MAP4: variants seen among roughly 807,000 people sequenced by gnomAD.
The protein encoded by MAP4 is microtubule-associated protein 4.
A neutral mutation model predicts 170.2 loss-of-function variants in MAP4; 76 were observed. That is an observed-to-expected ratio of 0.45 (90% CI 0.37 to 0.54). The LOEUF is 0.54. MAP4 is among the 20% of genes least tolerant of loss of function. The pLI, the probability that MAP4 is intolerant of heterozygous loss-of-function variation, is 0.00. For missense variants in MAP4, 2,506 were observed against 2,748.0 expected (o/e 0.91, Z 1.97); for synonymous variants, 909 against 994.5 (o/e 0.91, Z 1.62).
chr3:47,878,000 C>T (rs1230807114), intron 10 of MAP4, among the ~76,000 whole-genome samples: 1 of 152,174 alleles, frequency 6.6e-6, no homozygotes, highest in East Asian at 1.9e-4. Context: ...GTGAGATTAA[C>T]CTGATCCAGT....
In MAP4 at chr3:47,978,994, C is replaced by T. The variant is rs542459752; in HGVS notation, c.224-1061G>A. Among the ~76,000 whole-genome samples, 32 of 152,092 alleles carry T rather than the reference C, an allele frequency of 2.1e-4. No homozygotes were observed. In the South Asian group the frequency reaches 6.2e-3, roughly 30 times the overall value. Reference sequence around the variant, plus strand: ...GTAAAAATTTCTTCCCTGTTTCTAACTTATACTGTATTTTCATTTACTTAA... The same window carrying T: ...GTAAAAATTTCTTCCCTGTTTCTAATTTATACTGTATTTTCATTTACTTAA... On this transcript the variant is annotated intron_variant, in intron 2 of 20. Coordinates refer to ENST00000683076, the MANE Select transcript of MAP4 (RefSeq NM_001385682.1).
At chr3:47,877,661 T>C in intron 10 of MAP4, 138 bp from the exon 11 acceptor site, 1 of 575,148 alleles carries the variant, frequency 1.7e-6, no homozygotes, top group Non-Finnish European at 3.1e-6. Context: ...GCTGCTGAAA[T>C]GTGGACAAGC....
intron 3 of MAP4, chr3:47,974,624 T>C (rs1156813576): frequency 2.4e-5 from 23 of 956,274 alleles, no homozygotes; most frequent in Non-Finnish European, 2.7e-5. Context: ...ATGTTATATT[T>C]CTATAAATAC....
chr3:47,866,347 AAAACAAAC>A (rs375667786), intron 17 of MAP4, among the ~76,000 whole-genome samples: 87 of 151,284 alleles, frequency 5.8e-4, no homozygotes, highest in Admixed American at 1.1e-3. Flanking sequence ...AAACAAAAAC[AAAACAAAC>A]AAACAAACAA....
chr3:47,877,471 G>A lies in MAP4; in HGVS notation c.5487C>T (p.Asp1829=), dbSNP rs780774460. The stretch of plus-strand genomic sequence containing the variant: ...GCTCCTTGTTCGGTGGGGTGGTGAT[G>A]TCATTTCCTGTCCCACTCACCACAG... ...GRPVVSGTGN[D]ITTPPNKELP... The change falls in exon 11 of 21, where the codon GAC becomes GAT. Residue 1829 remains aspartate, a synonymous_variant. Coordinates refer to ENST00000683076, the MANE Select transcript of MAP4 (RefSeq NM_001385682.1). 1.2e-6 allele frequency: 2 copies of A among 1,614,114 alleles called. No homozygotes were observed. The highest frequency in any genetic ancestry group is 1.1e-5 in the South Asian group (1 of 91,070).
At position 48,041,526 on chromosome 3, in the gene MAP4, T is replaced by G. The variant is rs917649052; in HGVS notation, c.-19-42647A>C. Among the ~76,000 whole-genome samples, 10 of 152,140 alleles carry G rather than the reference T, an allele frequency of 6.6e-5. No homozygotes were observed. The East Asian group carries it at 1.7e-3, about 26-fold the overall frequency. ...GTTCATGGATCAGAAGATTTAACAT[T>G]GCTAAGATGGCAATGCTTCCCAAAC... On this transcript the variant is annotated intron_variant, in intron 1 of 18. Coordinates refer to the MAP4 transcript ENST00000360240.
chr3:48,000,709 TG>T (rs2154381355), intron 1 of MAP4, among the ~76,000 whole-genome samples: 2 of 152,304 alleles, frequency 1.3e-5, no homozygotes, highest in East Asian at 3.9e-4. Context: ...CTATTTCTGT[TG>T]TTTACAATGG....
intron 1 of MAP4, among the ~76,000 whole-genome samples, chr3:48,080,650 C>G (rs533575356): frequency 1.3e-5 from 2 of 152,074 alleles, no homozygotes; most frequent in South Asian, 2.1e-4. Context: ...AATTCAAGAC[C>G]GGCCTGAGCA....
chr3:47,854,842 C>T (rs987251451), intron 19 of MAP4, among the ~76,000 whole-genome samples: 1 of 152,240 alleles, frequency 6.6e-6, no homozygotes, highest in African/African-American at 2.4e-5. Context: ...CTGCTCCTAA[C>T]CCAGGAGCGG....
intron 3 of MAP4, among the ~76,000 whole-genome samples, chr3:47,944,700 C>T (rs913638778): frequency 6.6e-6 from 1 of 151,888 alleles, no homozygotes; most frequent in Non-Finnish European, 1.5e-5. Context: ...CTCATTTCTC[C>T]CCCTCTGGCT....
chr3:47,870,939 G>A lies in MAP4; in HGVS notation c.6168C>T (p.Ala2056=). 6.2e-7 allele frequency: 1 copy of A among 1,614,124 alleles called. No individual in the cohort carries two copies. Among genetic ancestry groups the A allele is most frequent in the Non-Finnish European group, 8.5e-7 (1 of 1,179,956 alleles). Residue 2056 remains alanine, a synonymous_variant, in exon 15 of 21, where the codon GCC becomes GCT. Transcript: ENST00000683076. ...GCCGGGGGGTGGTGGAGCTGGGTTT[G>A]GCCGAGGTGGGCTTCTTGTCTATGA... ...TPFIDKKPTS[A]KPSSTTPRLS...
At chr3:47,858,389 A>T (rs1218121597) in intron 17 of MAP4, among the ~76,000 whole-genome samples, 1 of 151,892 alleles carries the variant, frequency 6.6e-6, no homozygotes, top group Non-Finnish European at 1.5e-5. Context: ...TTCTGTGCAG[A>T]CCCTGTCCAT....
In MAP4 at chr3:47,911,446, T is replaced by A. The variant is rs1431292610; in HGVS notation, c.2975A>T (p.Glu992Val). The change falls in exon 9 of 21, where the codon GAA becomes GTA. Residue 992 changes from glutamate (E) to valine (V), a missense_variant. By Grantham distance (121) the Glu-to-Val change is moderately radical. This residue lies in a region of MAP4 where 2,008 missense variants were observed against 2,206.0 expected (regional missense o/e 0.91). Transcript: ENST00000683076. This position sits in a 1 kb window ranked among gnomAD's most constrained non-coding sequence, Gnocchi z 4.0. Reference protein sequence around the residue: ...LECNLKEGNNESKMTKLQNVK... With the variant: ...LECNLKEGNNVSKMTKLQNVK... ...ATTCTGCAGTTTAGTCATTTTACTTTCATTATTCCCTTCTTTTAGATTACA... is the reference window on the plus strand; with the variant it reads ...ATTCTGCAGTTTAGTCATTTTACTTACATTATTCCCTTCTTTTAGATTACA... 3.3e-6 allele frequency: 5 copies of A among 1,536,042 alleles called. No individual in the cohort carries two copies. The highest frequency in any genetic ancestry group is 4.4e-6 in the Non-Finnish European group (5 of 1,146,910).
intron 3 of MAP4, among the ~76,000 whole-genome samples, chr3:47,935,347 C>T (rs761956711): frequency 7.2e-5 from 11 of 151,968 alleles, no homozygotes; most frequent in Non-Finnish European, 1.6e-4. Flanking sequence ...GAAGTTAGGG[C>T]CATGGGCAAG....
At chr3:47,991,404 C>T (rs1292040573) in intron 2 of MAP4, among the ~76,000 whole-genome samples, 1 of 152,124 alleles carries the variant, frequency 6.6e-6, no homozygotes, top group African/African-American at 2.4e-5. Flanking sequence ...GGTGTGGTGG[C>T]TCACACCTGT....
intron 11 of MAP4, 79 bp downstream of exon 11, chr3:47,877,338 G>T: frequency 9.2e-7 from 1 of 1,082,614 alleles, no homozygotes; most frequent in South Asian, 1.3e-5. Context: ...AATTTCATTC[G>T]TGATTCAAGC....
At chr3:47,951,868 C>T (rs1329801829) in intron 3 of MAP4, among the ~76,000 whole-genome samples, 2 of 149,916 alleles carry the variant, frequency 1.3e-5, no homozygotes, top group East Asian at 2.0e-4. Flanking sequence ...AAGTGAGGAG[C>T]GTCTCTGCCC....
chr3:47,898,799 A>T (rs2100028443), intron 10 of MAP4, among the ~76,000 whole-genome samples: 1 of 152,044 alleles, frequency 6.6e-6, no homozygotes, highest in Admixed American at 6.5e-5. Flanking sequence ...ATAAGAAAAA[A>T]ATGTTTTTTA....
chr3:48,024,733 A>T (rs1351827226), intron 1 of MAP4, among the ~76,000 whole-genome samples: 1 of 152,226 alleles, frequency 6.6e-6, no homozygotes, highest in Non-Finnish European at 1.5e-5. Flanking sequence ...TATCCTAATT[A>T]ATACAGAGAT....
Sources: allele counts gnomAD v4.1 joint callset (sites outside exome capture counted in the v4.1 genomes callset), GRCh38; gene constraint gnomAD v4.1.1; regional missense constraint gnomAD v4.1.1; non-coding constraint Gnocchi (gnomAD v3.1); transcripts MANE v1.5; gene names NCBI Gene and HGNC (gene_info 2026-07-23, HGNC 2026-07-21).